Variants in CRNKL1 observed in about 807,000 individuals in gnomAD.
The protein encoded by CRNKL1 is crooked neck-like protein 1.
Under a neutral mutation model 103.7 loss-of-function variants are expected in CRNKL1, and 35 were observed. That is an observed-to-expected ratio of 0.34 (90% CI 0.26 to 0.45). CRNKL1 has a LOEUF of 0.45. Among genes scored for constraint, CRNKL1 ranks in the 20% least tolerant of loss-of-function variants. The pLI, the probability that CRNKL1 is intolerant of heterozygous loss-of-function variation, is 1.00. For synonymous variants in CRNKL1, 267 were observed against 282.6 expected, an observed-to-expected ratio of 0.94 and a Z score of 0.55; for missense variants, 645 against 836.0, an observed-to-expected ratio of 0.77 and a Z score of 2.82.
At position 20,036,111 on chromosome 20, in the gene CRNKL1, A is replaced by T. The variant is rs184813090; in HGVS notation, c.*84T>A. 2.2e-5 allele frequency: 29 copies of T among 1,342,822 alleles called. No individual in the cohort carries two copies. The African/African-American group carries it at 2.5e-4, about 12-fold the overall frequency. The allele number at this position is 1,342,822 out of a possible 1,614,324, so 83.2% of individuals were successfully genotyped here. On this transcript the variant is annotated 3_prime_UTR_variant, in exon 14 of 14. Coordinates refer to ENST00000536226, the MANE Select transcript of CRNKL1 (RefSeq NM_001278628.2). The stretch of plus-strand genomic sequence containing the variant: ...ATACCAATCAATTTCTTACTGGTGA[A>T]ATATATAAGAACTTCCAGGAGTCAC...
At position 20,052,360 on chromosome 20, in the gene CRNKL1, T is replaced by C. The variant is rs978279355; in HGVS notation, c.-18A>G. 1 of 1,614,118 alleles carries C rather than the reference T, an allele frequency of 6.2e-7. No homozygotes were observed. Among genetic ancestry groups the C allele is most frequent in the Admixed American group, 1.7e-5 (1 of 60,032 alleles). On this transcript the variant is annotated 5_prime_UTR_variant, in exon 1 of 14. Coordinates refer to ENST00000536226, the MANE Select transcript of CRNKL1 (RefSeq NM_001278628.2). Reference sequence around the variant, plus strand: ...GCCGCCATGTCTGCAGCAGTCGACCTCTGGACACCTGTCCCCGGCACGGAC... The same window carrying C: ...GCCGCCATGTCTGCAGCAGTCGACCCCTGGACACCTGTCCCCGGCACGGAC...
intron 12 of CRNKL1, 135 bp from the exon 13 acceptor site, chr20:20,037,706 C>T (rs2043443997): frequency 7.9e-6 from 6 of 758,680 alleles, no homozygotes; most frequent in Non-Finnish European, 1.3e-5. Context: ...CAGATGAAAA[C>T]AATGAATATA....
chr20:20,053,699 A>C (rs898577433), upstream of CRNKL1, among the ~76,000 whole-genome samples: 1 of 152,204 alleles, frequency 6.6e-6, no homozygotes, highest in Admixed American at 6.5e-5. Flanking sequence ...ATTTGCCATA[A>C]CTCTTTATTA....
At chr20:20,038,020 G>C (rs2043449308) in intron 12 of CRNKL1, among the ~76,000 whole-genome samples, 1 of 151,542 alleles carries the variant, frequency 6.6e-6, no homozygotes, top group Non-Finnish European at 1.5e-5. Context: ...CTGGGAGGCG[G>C]AGGTTGCAGT....
At chr20:20,043,686 C>T (rs1166704078) in intron 6 of CRNKL1, 24 bp from the exon 7 acceptor site, 1 of 1,601,330 alleles carries the variant, frequency 6.2e-7, no homozygotes, top group African/African-American at 1.3e-5. Flanking sequence ...GGATGATTAC[C>T]TTCTATAACA....
Position 20,036,163 on chromosome 20 carries a change from A to C in CRNKL1, c.*32T>G. ...AGAGTTCCAAACAATTAATTTATAAAAATAACAAAACATTTGTCTATGAAA... is the reference window on the plus strand; with the variant it reads ...AGAGTTCCAAACAATTAATTTATAACAATAACAAAACATTTGTCTATGAAA... On this transcript the variant is annotated 3_prime_UTR_variant, in exon 14 of 14. Transcript: ENST00000536226. 1 of 1,598,260 alleles carries C rather than the reference A, an allele frequency of 6.3e-7. No individual in the cohort carries two copies. The highest frequency in any genetic ancestry group is 8.5e-7 in the Non-Finnish European group (1 of 1,172,028).
intron 10 of CRNKL1, among the ~76,000 whole-genome samples, 168 bp from the exon 11 acceptor site, chr20:20,040,016 A>G (rs1206781338): frequency 6.6e-6 from 1 of 152,212 alleles, no homozygotes; most frequent in African/African-American, 2.4e-5. Flanking sequence ...TTCTTGACAA[A>G]AGGCTGAAGG....
chr20:20,054,414 T>TAC (rs371567134), upstream of CRNKL1, among the ~76,000 whole-genome samples: 2,248 of 151,444 alleles, frequency 0.015, 21 homozygotes, highest in South Asian at 0.072. Context: ...TATATATATA[T>TAC]ACACACACAC....
intron 12 of CRNKL1, 27 bp downstream of exon 12, chr20:20,038,322 G>C: frequency 2.9e-6 from 4 of 1,394,698 alleles, no homozygotes; most frequent in Non-Finnish European, 4.0e-6. Flanking sequence ...CAAGCAAAAT[G>C]AAAGATCATC....
At chr20:20,052,726 C>A (rs762528371), upstream of CRNKL1, 5 of 1,600,802 alleles carry the variant, frequency 3.1e-6, no homozygotes, top group Non-Finnish European at 4.3e-6. Flanking sequence ...TGGCGCCCTG[C>A]AAGGGAGTAA....
Position 20,048,448 on chromosome 20 carries a change from A to T in CRNKL1, c.350T>A (p.Leu117His). ...ALDVDYRNITLWLKYAEMEMK... is the reference protein window; with the variant it reads ...ALDVDYRNITHWLKYAEMEMK... ...TTCCATTTCTGCGTATTTCAGCCAGAGTGTAATATTTCGGTAGTCTACATC... is the reference window on the plus strand; with the variant it reads ...TTCCATTTCTGCGTATTTCAGCCAGTGTGTAATATTTCGGTAGTCTACATC... Residue 117 changes from leucine (L) to histidine (H), a missense_variant, in exon 4 of 14, where the codon CTC becomes CAC. Transcript: ENST00000536226. The T allele has an allele frequency of 6.2e-7, 1 of 1,614,178 alleles. No individual in the cohort carries two copies. Among genetic ancestry groups the T allele is most frequent in the Non-Finnish European group, 8.5e-7 (1 of 1,180,038 alleles).
At chr20:20,056,041 G>A (rs771510952), upstream of CRNKL1, 8 of 1,537,664 alleles carry the variant, frequency 5.2e-6, no homozygotes, top group African/African-American at 1.4e-5. Context: ...AAAGAGTGTC[G>A]GAAAGGCTGG....
chr20:20,047,956 T>C (rs2043621577), intron 4 of CRNKL1, 25 bp from the exon 5 acceptor site: 2 of 1,604,058 alleles, frequency 1.2e-6, no homozygotes, highest in African/African-American at 1.3e-5. Flanking sequence ...CCCGAAAATA[T>C]CTGCTGTGGT....
Position 20,045,411 on chromosome 20 carries a change from T to C in CRNKL1, c.698A>G (p.His233Arg). ...AGCTCTCTCATACACTTTCCGTGCA[T>C]GGGCAAAATAAGCATGTTTTTCTTC... Reference protein sequence around the residue: ...RFEEKHAYFAHARKVYERAVE... With the variant: ...RFEEKHAYFARARKVYERAVE... Residue 233 changes from histidine to arginine, a missense_variant, in exon 6 of 14, where the codon CAT becomes CGT. Around this residue, in one of 2 missense-constraint regions of CRNKL1, gnomAD observed 582 missense variants for 707.7 expected, o/e 0.82. Coordinates refer to ENST00000536226, the MANE Select transcript of CRNKL1 (RefSeq NM_001278628.2). The C allele has an allele frequency of 3.1e-6, 5 of 1,613,728 alleles. No individual in the cohort carries two copies. Among genetic ancestry groups the C allele is most frequent in the South Asian group, 1.1e-5 (1 of 91,048 alleles).
At chr20:20,038,674 T>TA (rs1159288655) in intron 11 of CRNKL1, 1 of 393,868 alleles carries the variant, frequency 2.5e-6, no homozygotes, top group Non-Finnish European at 4.5e-6. Context: ...GATTCAGTCT[T>TA]AGAGATTCTC....
intron 8 of CRNKL1, 111 bp downstream of exon 8, chr20:20,042,214 T>C (rs2043524946): frequency 8.9e-6 from 9 of 1,010,520 alleles, no homozygotes; most frequent in Non-Finnish European, 1.3e-5. Context: ...CCTATAAAAA[T>C]TTAAAACTAA....
chr20:20,041,214 G>A (rs2043508243), intron 9 of CRNKL1, among the ~76,000 whole-genome samples: 1 of 152,202 alleles, frequency 6.6e-6, no homozygotes, highest in South Asian at 2.1e-4. Flanking sequence ...ATCTACACAA[G>A]GGGCACATTC....
chr20:20,052,280 G>A lies in CRNKL1; in HGVS notation c.51+12C>T. 6.2e-7 allele frequency: 1 copy of A among 1,602,536 alleles called. No homozygotes were observed. The highest frequency in any genetic ancestry group is 8.5e-7 in the Non-Finnish European group (1 of 1,175,958). On this transcript the variant is annotated intron_variant, in intron 1 of 13. Coordinates refer to ENST00000536226, the MANE Select transcript of CRNKL1 (RefSeq NM_001278628.2). ...TAGGCCACCTCCTACAAGGCCCCTCGCGATCGCCTACCTTGGCCACTTTGG... is the reference window on the plus strand; with the variant it reads ...TAGGCCACCTCCTACAAGGCCCCTCACGATCGCCTACCTTGGCCACTTTGG...
At chr20:20,052,836 GGCTGCAATGCCTCGA>G (rs2043855357), upstream of CRNKL1, 1 of 1,019,516 alleles carries the variant, frequency 9.8e-7, no homozygotes, top group Non-Finnish European at 1.4e-6. Context: ...CGCCCTTTTA[GGCTGCAATGCCTCGA>G]GCATTGCATT....
Sources: allele counts gnomAD v4.1 joint callset (sites outside exome capture counted in the v4.1 genomes callset), GRCh38; gene constraint gnomAD v4.1.1; regional missense constraint gnomAD v4.1.1; transcripts MANE v1.5; gene names NCBI Gene and HGNC (gene_info 2026-07-23, HGNC 2026-07-21).